The following ITPR2 variants were observed in gnomAD, a reference collection of about 807,000 sequenced individuals.
ITPR2 encodes the protein inositol 1,4,5-trisphosphate receptor type 2, also known as inositol 1,4,5-trisphosphate-gated calcium channel ITPR2.
ITPR2 carries 207 observed loss-of-function variants against 317.1 expected under a neutral mutation model. The observed-to-expected ratio is 0.65, with a 90% CI of 0.58 to 0.73. The LOEUF (loss-of-function observed/expected upper bound fraction) is 0.73, where lower values mean the gene tolerates loss of function less well. Among genes scored for constraint, ITPR2 ranks in the 30% least tolerant of loss-of-function variants. The pLI is 0.00. For synonymous variants in ITPR2, 1,156 were observed against 1,149.1 expected, an observed-to-expected ratio of 1.01 and a Z score of -0.12; for missense variants, 2,613 against 3,284.0, an observed-to-expected ratio of 0.80 and a Z score of 4.99.
Position 26,624,314 on chromosome 12 carries a change from G to A in ITPR2, c.3107C>T (p.Thr1036Ile). 6.2e-7 allele frequency: 1 copy of A among 1,607,564 alleles called. No homozygotes were observed. Among genetic ancestry groups the A allele is most frequent in the Non-Finnish European group, 8.5e-7 (1 of 1,175,760 alleles). ...GTTACTATACCTTCCCGCAAACATAGTTTCTGCCTGAGCTGCAATTTCATC... is the reference window on the plus strand; with the variant it reads ...GTTACTATACCTTCCCGCAAACATAATTTCTGCCTGAGCTGCAATTTCATC... ...DIDEIAAQAETMFAGRKEKNP... is the reference protein window; with the variant it reads ...DIDEIAAQAEIMFAGRKEKNP... The change falls in exon 24 of 57, where the codon ACT (threonine) becomes ATT (isoleucine). Residue 1036 changes from threonine (T) to isoleucine (I), a missense_variant. This residue lies in a region of ITPR2 where 817 missense variants were observed against 897.6 expected (regional missense o/e 0.91). Transcript: ENST00000381340.
intron 50 of ITPR2, among the ~76,000 whole-genome samples, chr12:26,417,344 C>A (rs374349792): frequency 2.0e-5 from 3 of 152,094 alleles, no homozygotes; most frequent in African/African-American, 4.8e-5. Context: ...AACATGTGTA[C>A]ATCATTTCAC....
At chr12:26,451,878 A>C (rs1941750409) in intron 45 of ITPR2, among the ~76,000 whole-genome samples, 1 of 152,250 alleles carries the variant, frequency 6.6e-6, no homozygotes, top group African/African-American at 2.4e-5. Flanking sequence ...GTTTTTAGTA[A>C]GCATGCTATC....
chr12:26,375,452 T>A (rs905625781), intron 55 of ITPR2, among the ~76,000 whole-genome samples: 2 of 152,344 alleles, frequency 1.3e-5, no homozygotes, highest in South Asian at 2.1e-4. Context: ...TCACATGATA[T>A]CCACAAACTG....
chr12:26,435,567 C>T (rs1941331525), intron 48 of ITPR2, among the ~76,000 whole-genome samples: 2 of 152,156 alleles, frequency 1.3e-5, no homozygotes, highest in Admixed American at 6.5e-5. Context: ...AACTTACTTC[C>T]CAAAAATCTC....
intron 21 of ITPR2, among the ~76,000 whole-genome samples, chr12:26,647,235 T>C (rs1249379234): frequency 6.6e-6 from 1 of 152,240 alleles, no homozygotes; most frequent in Non-Finnish European, 1.5e-5. Context: ...ACCCAAACCA[T>C]TTCCAGACTG....
chr12:26,651,217 A>G (rs1947245684), intron 21 of ITPR2, among the ~76,000 whole-genome samples: 1 of 151,810 alleles, frequency 6.6e-6, no homozygotes, highest in Non-Finnish European at 1.5e-5. Context: ...GACTCCAGTT[A>G]TTCATATGGT....
chr12:26,566,565 G>A (rs1944993481), intron 34 of ITPR2, among the ~76,000 whole-genome samples: 1 of 151,350 alleles, frequency 6.6e-6, no homozygotes, highest in Non-Finnish European at 1.5e-5. Context: ...GAGGAGAGGA[G>A]AGGAAAAGGA....
At chr12:26,756,625 A>C in intron 2 of ITPR2, among the ~76,000 whole-genome samples, 3 of 152,204 alleles carry the variant, frequency 2.0e-5, no homozygotes, top group Non-Finnish European at 4.4e-5. Context: ...AGCCCTCACC[A>C]TACTGATGCT....
At chr12:26,717,217 A>G (rs1311505221) in intron 5 of ITPR2, among the ~76,000 whole-genome samples, 2 of 152,338 alleles carry the variant, frequency 1.3e-5, no homozygotes, top group African/African-American at 2.4e-5. Flanking sequence ...AGTTTGATAG[A>G]TAAATGATAA....
chr12:26,776,236 A>C (rs1452169065), intron 2 of ITPR2, among the ~76,000 whole-genome samples: 1 of 152,138 alleles, frequency 6.6e-6, no homozygotes, highest in Non-Finnish European at 1.5e-5. Context: ...CAAGGAATTT[A>C]GTGACTCTAT....
At chr12:26,827,885 C>G (rs1951032764) in intron 1 of ITPR2, among the ~76,000 whole-genome samples, 2 of 152,182 alleles carry the variant, frequency 1.3e-5, no homozygotes, top group African/African-American at 4.8e-5. Flanking sequence ...TATACAGTGT[C>G]AATGTCTCCA....
At chr12:26,509,782 A>G (rs1027755015) in intron 37 of ITPR2, among the ~76,000 whole-genome samples, 1 of 152,170 alleles carries the variant, frequency 6.6e-6, no homozygotes, top group African/African-American at 2.4e-5. Context: ...GGTCCAGTGC[A>G]CTGAATATAG....
At chr12:26,499,431 A>G (rs1333886822) in intron 37 of ITPR2, among the ~76,000 whole-genome samples, 1 of 152,216 alleles carries the variant, frequency 6.6e-6, no homozygotes, top group African/African-American at 2.4e-5. Context: ...CCTCTATGCC[A>G]TATACTAACT....
At chr12:26,404,021 G>A (rs192322645) in intron 52 of ITPR2, among the ~76,000 whole-genome samples, 30 of 152,268 alleles carry the variant, frequency 2.0e-4, no homozygotes, top group African/African-American at 1.4e-4. Context: ...TCAAGGCAGC[G>A]ATTTCTGACA....
Position 26,339,136 on chromosome 12 carries a change from C to T in ITPR2, c.*261G>A, listed in dbSNP as rs933595499. The T allele has an allele frequency of 1.1e-4, 41 of 384,872 alleles. No homozygotes were observed. The highest frequency in any genetic ancestry group is 7.7e-4 in the African/African-American group (37 of 47,754). The allele number at this position is 384,872 out of a possible 1,614,324, so 23.8% of individuals were successfully genotyped here. On this transcript the variant is annotated 3_prime_UTR_variant, in exon 57 of 57. Transcript: ENST00000381340. Reference sequence around the variant, plus strand: ...CCTGCCGCTCCCTGCCCTCTCCAGCCTTTTGGGCAAGCCTTTTCTTCCTGA... The same window carrying T: ...CCTGCCGCTCCCTGCCCTCTCCAGCTTTTTGGGCAAGCCTTTTCTTCCTGA...
rs11048497 is a variant in ITPR2, at chr12:26,402,629, G to T, written c.7400-2371C>A. Among the ~76,000 whole-genome samples the T allele has an allele frequency of 3.6e-4, 55 of 152,314 alleles. No individual in the cohort carries two copies. The East Asian group carries it at 8.9e-3, about 25-fold the overall frequency. On this transcript the variant is annotated intron_variant, in intron 52 of 56. Coordinates refer to ENST00000381340, the MANE Select transcript of ITPR2 (RefSeq NM_002223.4). ...ATGTAAATGGGAGGAGAACACCCTG[G>T]TCAGGTCAATGCCAGCAATCATCCT...
chr12:26,820,424 G>T (rs1449412930), intron 1 of ITPR2, among the ~76,000 whole-genome samples: 4 of 152,104 alleles, frequency 2.6e-5, no homozygotes, highest in Non-Finnish European at 4.4e-5. Context: ...AAAACAAAAA[G>T]ATCCCTGCCT....
intron 49 of ITPR2, 144 bp downstream of exon 49, chr12:26,427,769 C>T (rs189654770): frequency 1.8e-5 from 9 of 502,240 alleles, no homozygotes; most frequent in African/African-American, 1.6e-4. Context: ...TAAAAAAGTA[C>T]AAATTATGCT....
chr12:26,342,127 A>C (rs1341793151), intron 55 of ITPR2, among the ~76,000 whole-genome samples: 1 of 152,150 alleles, frequency 6.6e-6, no homozygotes, highest in Non-Finnish European at 1.5e-5. Flanking sequence ...TGAGGCAGAA[A>C]GCTGGACTGA....
Sources: allele counts gnomAD v4.1 joint callset (sites outside exome capture counted in the v4.1 genomes callset), GRCh38; gene constraint gnomAD v4.1.1; regional missense constraint gnomAD v4.1.1; transcripts MANE v1.5; gene names NCBI Gene and HGNC (gene_info 2026-07-23, HGNC 2026-07-21).